Variants in AP3B1 observed in about 807,000 individuals in gnomAD.
AP3B1 encodes AP-3 complex subunit beta-1.
In AP3B1, 61 loss-of-function variants were observed where a neutral mutation model predicts 132.5. That is an observed-to-expected ratio of 0.46 (90% CI 0.37 to 0.57). The LOEUF is 0.57. AP3B1 is among the 20% of genes least tolerant of loss of function. AP3B1 has a pLI of 0.00. For synonymous variants in AP3B1, 388 were observed against 438.3 expected, an observed-to-expected ratio of 0.89 and a Z score of 1.43; for missense variants, 1,120 against 1,289.4, an observed-to-expected ratio of 0.87 and a Z score of 2.01.
rs546578632 is a variant in AP3B1 at position 78,018,799 on chromosome 5, A to C, written c.2992+1893T>G. On this transcript the variant is annotated intron_variant, in intron 25 of 26. Coordinates refer to ENST00000255194, the MANE Select transcript of AP3B1 (RefSeq NM_003664.5). The stretch of plus-strand genomic sequence containing the variant: ...TGATTTAGGCTTTTCCGTTAGTGAG[A>C]GATTTCTAGGTATCTTTTGTGGAAA... 3.9e-5 allele frequency among the ~76,000 whole-genome samples: 6 copies of C among 152,188 alleles called. No individual in the cohort carries two copies. The East Asian group carries it at 1.2e-3, about 29-fold the overall frequency.
At chr5:78,111,450 A>C (rs993640228) in intron 19 of AP3B1, among the ~76,000 whole-genome samples, 3 of 152,168 alleles carry the variant, frequency 2.0e-5, no homozygotes, top group Admixed American at 1.3e-4. Context: ...GATACAGATA[A>C]GGTTGCAGTG....
chr5:78,073,111 C>G (rs1749614206), intron 22 of AP3B1, among the ~76,000 whole-genome samples: 1 of 152,172 alleles, frequency 6.6e-6, no homozygotes, highest in South Asian at 2.1e-4. Flanking sequence ...ACTCTCTTGT[C>G]AGTGGTAATC....
intron 15 of AP3B1, among the ~76,000 whole-genome samples, chr5:78,139,870 A>T (rs1753071651): frequency 6.6e-6 from 1 of 152,128 alleles, no homozygotes; most frequent in African/African-American, 2.4e-5. Flanking sequence ...CGGGGCACGA[A>T]GGGATGAAGG....
intron 14 of AP3B1, among the ~76,000 whole-genome samples, chr5:78,155,780 C>T (rs1743123359): frequency 6.6e-6 from 1 of 151,888 alleles, no homozygotes; most frequent in Admixed American, 6.6e-5. Context: ...CCTGCAATTA[C>T]ATACTGGTGA....
rs1554077655 is a variant in AP3B1 at position 78,225,628 on chromosome 5, C to T, written c.537-20G>A. Reference sequence around the variant, plus strand: ...TCAAGGCTAAAAAATACAAAAATAACATATTAATTTTTCCCTTTAATTCTA... The same window carrying T: ...TCAAGGCTAAAAAATACAAAAATAATATATTAATTTTTCCCTTTAATTCTA... On this transcript the variant is annotated intron_variant, in intron 5 of 26. Transcript: ENST00000255194. The T allele has an allele frequency of 6.9e-7, 1 of 1,458,620 alleles. No individual in the cohort carries two copies. The highest frequency in any genetic ancestry group is 2.3e-5 in the East Asian group (1 of 43,778). 90.4% of individuals were successfully genotyped at this position (1,458,620 alleles called of 1,614,324 possible). A position where few individuals can be genotyped will look rare whatever the true frequency, so the allele number is the denominator to read the frequency against.
chr5:78,000,966 A>G (rs938820138), downstream of AP3B1: 1 of 152,212 alleles, frequency 6.6e-6, no homozygotes, highest in African/African-American at 2.4e-5. Flanking sequence ...GGTAGCGCAC[A>G]TTACAATCGA....
intron 7 of AP3B1, among the ~76,000 whole-genome samples, chr5:78,205,368 A>C (rs186795041): frequency 1.3e-5 from 2 of 152,140 alleles, no homozygotes; most frequent in African/African-American, 4.8e-5. Flanking sequence ...GAATGTATAA[A>C]AATAAAAACT....
At chr5:78,230,923 G>C (rs1746621188) in intron 3 of AP3B1, among the ~76,000 whole-genome samples, 2 of 151,996 alleles carry the variant, frequency 1.3e-5, no homozygotes, top group Admixed American at 1.3e-4. Flanking sequence ...TTGGAGACCA[G>C]TATGGCCAAC....
chr5:78,075,726 G>A (rs1020717135), intron 22 of AP3B1, among the ~76,000 whole-genome samples: 2 of 152,152 alleles, frequency 1.3e-5, no homozygotes, highest in African/African-American at 2.4e-5. Flanking sequence ...CCTATCCTTC[G>A]GCCTATAAAT....
At chr5:78,293,354 T>C (rs555374780) in intron 1 of AP3B1, among the ~76,000 whole-genome samples, 2 of 152,346 alleles carry the variant, frequency 1.3e-5, no homozygotes, top group South Asian at 4.1e-4. Flanking sequence ...ATCAAATGCA[T>C]ATAATGAAAA....
intron 2 of AP3B1, among the ~76,000 whole-genome samples, chr5:78,247,945 A>G (rs1223256979): frequency 6.6e-6 from 1 of 152,100 alleles, no homozygotes; most frequent in African/African-American, 2.4e-5. Context: ...AATTTTTAGT[A>G]TTTCATATTT....
rs1743450274 is a variant in AP3B1 at position 78,162,962 on chromosome 5, T to C, written c.1231-11A>G. ...GCTTTTCACATAGGTCTAAAAGATATTATTTCAATTAGTTTACACACTGGT... is the reference window on the plus strand; with the variant it reads ...GCTTTTCACATAGGTCTAAAAGATACTATTTCAATTAGTTTACACACTGGT... On this transcript the variant is annotated splice_polypyrimidine_tract_variant and intron_variant, in intron 12 of 26. Transcript: ENST00000255194. The C allele has an allele frequency of 6.2e-7, 1 of 1,612,342 alleles. No homozygotes were observed. The highest frequency in any genetic ancestry group is 2.2e-5 in the East Asian group (1 of 44,872).
rs763279940 is a variant in AP3B1 at position 78,101,041 on chromosome 5, T to C, written c.2398-16A>G. 22 of 1,395,106 alleles carry C rather than the reference T, an allele frequency of 1.6e-5. No homozygotes were observed. In the South Asian group the frequency reaches 2.5e-4, roughly 16 times the overall value. The allele number at this position is 1,395,106 out of a possible 1,614,324, so 86.4% of individuals were successfully genotyped here. ...TTTCTTTCTCCTATAAAATAACAAATATTTCATTTATCACACGTTCTGTTT... is the reference window on the plus strand; with the variant it reads ...TTTCTTTCTCCTATAAAATAACAAACATTTCATTTATCACACGTTCTGTTT... On this transcript the variant is annotated splice_polypyrimidine_tract_variant and intron_variant, in intron 20 of 26. Transcript: ENST00000255194.
At chr5:78,241,292 A>C (rs973258357) in intron 2 of AP3B1, among the ~76,000 whole-genome samples, 15 of 151,520 alleles carry the variant, frequency 9.9e-5, no homozygotes, top group African/African-American at 3.4e-4. Context: ...TCGACCTCCC[A>C]GGTTTAAGTG....
chr5:78,202,249 T>G (rs1207892267), intron 7 of AP3B1, among the ~76,000 whole-genome samples: 1 of 152,204 alleles, frequency 6.6e-6, no homozygotes, highest in East Asian at 1.9e-4. Flanking sequence ...AACCTTTTTC[T>G]TTTGTAAATT....
intron 8 of AP3B1, among the ~76,000 whole-genome samples, chr5:78,179,983 T>G (rs1313555150): frequency 6.6e-6 from 1 of 152,156 alleles, no homozygotes; most frequent in Non-Finnish European, 1.5e-5. Context: ...ACGTTTTTGA[T>G]CCATAAGTAT....
At chr5:78,220,090 T>C (rs750892030) in intron 6 of AP3B1, among the ~76,000 whole-genome samples, 28 of 152,132 alleles carry the variant, frequency 1.8e-4, no homozygotes, top group Non-Finnish European at 1.2e-4. Flanking sequence ...AGGGGAGAAA[T>C]GTACCTGTCT....
chr5:78,205,685 A>C (rs1745474948), intron 7 of AP3B1, among the ~76,000 whole-genome samples: 1 of 152,268 alleles, frequency 6.6e-6, no homozygotes, highest in African/African-American at 2.4e-5. Flanking sequence ...AGAACTGTTC[A>C]AATTAGAAAA....
At chr5:78,263,783 T>A (rs1748201134) in intron 2 of AP3B1, among the ~76,000 whole-genome samples, 1 of 152,244 alleles carries the variant, frequency 6.6e-6, no homozygotes, top group South Asian at 2.1e-4. Flanking sequence ...CTTCTGTTAA[T>A]GTGGTATATT....
Sources: allele counts gnomAD v4.1 joint callset (sites outside exome capture counted in the v4.1 genomes callset), GRCh38; gene constraint gnomAD v4.1.1; transcripts MANE v1.5; gene names NCBI Gene and HGNC (gene_info 2026-07-23, HGNC 2026-07-21).